KCNIP1: variants seen among roughly 807,000 people sequenced by gnomAD.
The protein encoded by KCNIP1 is A-type potassium channel modulatory protein KCNIP1.
In KCNIP1, 18 loss-of-function variants were observed where a neutral mutation model predicts 33.0. That is an observed-to-expected ratio of 0.55 (90% CI 0.38 to 0.81). KCNIP1 has a LOEUF of 0.81. Among genes scored for constraint, KCNIP1 ranks in the 30% least tolerant of loss-of-function variants. The probability of loss-of-function intolerance (pLI) is 0.00; values close to 1 mark genes in which losing one functional copy is unlikely to be tolerated. For synonymous variants in KCNIP1, 93 were observed against 98.3 expected (o/e 0.95, Z 0.32); for missense variants, 238 against 271.6 (o/e 0.88, Z 0.87).
At chr5:170,535,623 T>C (rs1755956044) in intron 1 of KCNIP1, among the ~76,000 whole-genome samples, 1 of 152,146 alleles carries the variant, frequency 6.6e-6, no homozygotes, top group South Asian at 2.1e-4. Flanking sequence ...TCAGGAATCA[T>C]CACCCTCTGA....
At chr5:170,468,772 G>C (rs1756662242) in intron 1 of KCNIP1, among the ~76,000 whole-genome samples, 1 of 151,994 alleles carries the variant, frequency 6.6e-6, no homozygotes, top group Non-Finnish European at 1.5e-5. Flanking sequence ...CGCTACTTAG[G>C]AGACTGAGAT....
chr5:170,363,046 A>G (rs891497354), intron 1 of KCNIP1, among the ~76,000 whole-genome samples: 1 of 152,206 alleles, frequency 6.6e-6, no homozygotes, highest in African/African-American at 2.4e-5. Flanking sequence ...CATGAGGGGA[A>G]GGGCCATCGC....
In KCNIP1 at chr5:170,504,754, T is replaced by G. The variant is rs1754643386; in HGVS notation, c.61+121T>G. 1 of 816,468 alleles carries G rather than the reference T, an allele frequency of 1.2e-6. No homozygotes were observed. The allele number at this position is 816,468 out of a possible 1,614,324, so 50.6% of individuals were successfully genotyped here. On this transcript the variant is annotated intron_variant, in intron 1 of 7. Transcript: ENST00000328939. This position sits in a 1 kb window ranked among gnomAD's most constrained non-coding sequence, Gnocchi z 6.0. ...CCTCTCCACGAGGAGCCCGGACAGG[T>G]GCTTGTATCCAAAGGAGAGAGAAAT...
intron 1 of KCNIP1, among the ~76,000 whole-genome samples, chr5:170,409,266 TG>T (rs1393216861): frequency 6.6e-6 from 1 of 152,194 alleles, no homozygotes; most frequent in African/African-American, 2.4e-5. Context: ...CCTCCTTGGC[TG>T]GGAGTGGGTT....
At chr5:170,516,940 G>A (rs978820936) in intron 1 of KCNIP1, among the ~76,000 whole-genome samples, 3 of 152,174 alleles carry the variant, frequency 2.0e-5, no homozygotes, top group African/African-American at 7.2e-5. Context: ...CAATAATAAT[G>A]ATTTTGATAG....
chr5:170,649,699 G>T (rs1760956342), intron 1 of KCNIP1, among the ~76,000 whole-genome samples: 1 of 152,038 alleles, frequency 6.6e-6, no homozygotes, highest in African/African-American at 2.4e-5. Context: ...TAGATTAGTA[G>T]GAGCACTGAC....
intron 1 of KCNIP1, among the ~76,000 whole-genome samples, chr5:170,403,073 T>C (rs1328295417): frequency 6.6e-6 from 1 of 152,132 alleles, no homozygotes; most frequent in East Asian, 1.9e-4. Flanking sequence ...TAAGACTGAT[T>C]TACACCACCT....
intron 1 of KCNIP1, among the ~76,000 whole-genome samples, chr5:170,562,772 C>T (rs1426236474): frequency 6.6e-6 from 1 of 152,202 alleles, no homozygotes. Flanking sequence ...ATCTGACTTC[C>T]AGAGCCCAGG....
chr5:170,687,007 C>T (rs1225057453), intron 1 of KCNIP1, among the ~76,000 whole-genome samples: 1 of 152,042 alleles, frequency 6.6e-6, no homozygotes, highest in Non-Finnish European at 1.5e-5. Context: ...TCCACTGGGG[C>T]TGATCCTCCC....
intron 1 of KCNIP1, among the ~76,000 whole-genome samples, chr5:170,566,677 A>G (rs1757216996): frequency 1.3e-5 from 2 of 152,216 alleles, no homozygotes; most frequent in South Asian, 4.1e-4. Context: ...GCCAGTGAGG[A>G]AGGCATGGAT....
chr5:170,705,756 A>T (rs553845584), intron 1 of KCNIP1, among the ~76,000 whole-genome samples: 25 of 152,372 alleles, frequency 1.6e-4, no homozygotes, highest in Admixed American at 6.5e-4. Context: ...TATACTGAAG[A>T]GAAACACAAT....
At position 170,625,278 on chromosome 5, in the gene KCNIP1, G is replaced by A. The variant is rs558590342; in HGVS notation, c.62-93480G>A. On this transcript the variant is annotated intron_variant, in intron 1 of 7. Transcript: ENST00000328939. Reference sequence around the variant, plus strand: ...TGTGCAGCTACCTTCTCTCTAGTTGGTACCTGAGGCTGCCTCCTGGATTTT... The same window carrying A: ...TGTGCAGCTACCTTCTCTCTAGTTGATACCTGAGGCTGCCTCCTGGATTTT... 6.6e-5 allele frequency among the ~76,000 whole-genome samples: 10 copies of A among 152,194 alleles called. No homozygotes were observed. In the South Asian group the frequency reaches 2.1e-3, roughly 32 times the overall value.
intron 1 of KCNIP1, chr5:170,378,906 G>T (rs771101151): frequency 6.2e-7 from 1 of 1,614,246 alleles, no homozygotes; most frequent in East Asian, 2.2e-5. Context: ...TTGGAATTTG[G>T]CTCTGACCTT....
At chr5:170,444,616 A>AC (rs1756066967) in intron 1 of KCNIP1, among the ~76,000 whole-genome samples, 1 of 151,626 alleles carries the variant, frequency 6.6e-6, no homozygotes, top group Non-Finnish European at 1.5e-5. Flanking sequence ...TCTTGTCCCA[A>AC]CCCCTACAAA....
intron 1 of KCNIP1, among the ~76,000 whole-genome samples, chr5:170,434,121 CG>C (rs1157517173): frequency 1.3e-5 from 2 of 152,146 alleles, no homozygotes; most frequent in Non-Finnish European, 2.9e-5. Context: ...TACTGGCTAT[CG>C]GGCCCCAAAC....
chr5:170,520,940 G>A (rs897092401), intron 1 of KCNIP1, among the ~76,000 whole-genome samples: 31 of 152,324 alleles, frequency 2.0e-4, no homozygotes, highest in Admixed American at 6.5e-4. Flanking sequence ...CAGATCCTTC[G>A]TCTGCAAAAC....
intron 1 of KCNIP1, among the ~76,000 whole-genome samples, chr5:170,559,795 A>C (rs1756969952): frequency 6.6e-6 from 1 of 152,158 alleles, no homozygotes; most frequent in Admixed American, 6.5e-5. Flanking sequence ...CAGGGGTCTG[A>C]ATAAAGCTGC....
intron 1 of KCNIP1, among the ~76,000 whole-genome samples, chr5:170,533,082 G>A (rs193230651): frequency 1.3e-5 from 2 of 152,322 alleles, no homozygotes; most frequent in Admixed American, 1.3e-4. Flanking sequence ...GTAAAAGTCT[G>A]TTTAGAAACT....
intron 1 of KCNIP1, among the ~76,000 whole-genome samples, chr5:170,547,054 C>G (rs1052335325): frequency 6.6e-6 from 1 of 152,168 alleles, no homozygotes; most frequent in Non-Finnish European, 1.5e-5. Context: ...ATTGTTTCCT[C>G]TTGACACATG....
Sources: gnomAD v4.1 joint callset for allele counts (sites outside exome capture counted in the v4.1 genomes callset) on GRCh38, gnomAD v4.1.1 for gene constraint, Gnocchi (gnomAD v3.1) non-coding constraint, MANE v1.5 for transcripts, NCBI Gene and HGNC (gene_info 2026-07-23, HGNC 2026-07-21) for gene names.